The following TFCP2L1 variants were observed in gnomAD, a reference collection of about 807,000 sequenced individuals.
TFCP2L1 encodes the protein transcription factor CP2 like 1.
A neutral mutation model predicts 72.2 loss-of-function variants in TFCP2L1; 12 were observed. The observed-to-expected ratio is 0.17, with a 90% CI of 0.11 to 0.27. TFCP2L1 has a LOEUF of 0.27. Ranked by LOEUF, TFCP2L1 falls within the 10% of genes least tolerant of loss-of-function variation. The pLI, the probability that TFCP2L1 is intolerant of heterozygous loss-of-function variation, is 1.00. For synonymous variants in TFCP2L1, 260 were observed against 251.0 expected, an observed-to-expected ratio of 1.04 and a Z score of -0.34; for missense variants, 488 against 624.6, an observed-to-expected ratio of 0.78 and a Z score of 2.33.
chr2:121,249,765 G>C, intron 2 of TFCP2L1, 118 bp from the exon 3 acceptor site: 4 of 1,000,332 alleles, frequency 4.0e-6, no homozygotes, highest in Non-Finnish European at 6.1e-6. Flanking sequence ...GCCCTGGGGA[G>C]CAAAGCAGAG....
chr2:121,250,817 G>A (rs1296560184), intron 2 of TFCP2L1, among the ~76,000 whole-genome samples: 2 of 151,860 alleles, frequency 1.3e-5, no homozygotes, highest in East Asian at 3.9e-4. Context: ...ATGTTAGCCA[G>A]GCTGGTCTCA....
chr2:121,243,369 G>A (rs1376488655), intron 6 of TFCP2L1, among the ~76,000 whole-genome samples: 1 of 152,130 alleles, frequency 6.6e-6, no homozygotes, highest in Non-Finnish European at 1.5e-5. Context: ...TACAGCTTTC[G>A]GCTCCCAGAT....
intron 2 of TFCP2L1, among the ~76,000 whole-genome samples, chr2:121,253,324 C>T (rs900545280): frequency 2.0e-5 from 3 of 152,242 alleles, no homozygotes; most frequent in African/African-American, 7.2e-5. Flanking sequence ...GCCCACTTGC[C>T]TGTTCAGGAG....
Position 121,254,271 on chromosome 2 carries a change from G to C in TFCP2L1, c.215-4624C>G, listed in dbSNP as rs372006735. Among the ~76,000 whole-genome samples the C allele has an allele frequency of 4.6e-5, 7 of 152,222 alleles. No individual in the cohort carries two copies. In the East Asian group the frequency reaches 1.4e-3, roughly 29 times the overall value. On this transcript the variant is annotated intron_variant, in intron 2 of 14. Transcript: ENST00000263707. ...TTAAGACACATTCTTGCCCTCAAAG[G>C]GTTGACAATCCTCTGGAGTACATCA...
chr2:121,280,567 G>T (rs557883484), intron 2 of TFCP2L1, among the ~76,000 whole-genome samples: 3 of 152,174 alleles, frequency 2.0e-5, no homozygotes, highest in East Asian at 3.9e-4. Context: ...AGACCAGCCT[G>T]GGCAACATAG....
chr2:121,278,302 C>G (rs1411318212), intron 2 of TFCP2L1, among the ~76,000 whole-genome samples: 1 of 149,898 alleles, frequency 6.7e-6, no homozygotes. Flanking sequence ...TCCCAAAGTG[C>G]TGGGATTACA....
chr2:121,276,805 T>C lies in TFCP2L1; in HGVS notation c.214+4315A>G, dbSNP rs542998321. Among the ~76,000 whole-genome samples the C allele has an allele frequency of 2.6e-5, 4 of 152,178 alleles. No individual in the cohort carries two copies. The South Asian group carries it at 8.3e-4, about 32-fold the overall frequency. On this transcript the variant is annotated intron_variant, in intron 2 of 14. Coordinates refer to ENST00000263707, the MANE Select transcript of TFCP2L1 (RefSeq NM_014553.3). ...CAGTAAGTGTTAAAATTTAGACACCTCTAAATGAAATTCAGAAAACTACTC... is the reference window on the plus strand; with the variant it reads ...CAGTAAGTGTTAAAATTTAGACACCCCTAAATGAAATTCAGAAAACTACTC...
At chr2:121,281,405 C>T in intron 1 of TFCP2L1, 134 bp from the exon 2 acceptor site, 1 of 918,922 alleles carries the variant, frequency 1.1e-6, no homozygotes, top group Non-Finnish European at 1.6e-6. Flanking sequence ...AGGGTGCTGG[C>T]TGCACTCCTG....
intron 6 of TFCP2L1, 62 bp downstream of exon 6, chr2:121,246,756 G>A: frequency 1.3e-6 from 2 of 1,599,676 alleles, no homozygotes; most frequent in Non-Finnish European, 1.7e-6. Flanking sequence ...GTCTCTGTGG[G>A]CGAATGTGAC....
At chr2:121,263,962 GA>G (rs1385576196) in intron 2 of TFCP2L1, among the ~76,000 whole-genome samples, 1 of 151,982 alleles carries the variant, frequency 6.6e-6, no homozygotes. Flanking sequence ...GAAGAAAAAA[GA>G]AAAAAAGCCT....
At chr2:121,233,567 C>A (rs113967976) in intron 12 of TFCP2L1, among the ~76,000 whole-genome samples, 1 of 152,178 alleles carries the variant, frequency 6.6e-6, no homozygotes. Context: ...GCTGGAATTA[C>A]AGGTATGAAC....
Position 121,249,563 on chromosome 2 carries a change from A to T in TFCP2L1, c.291+8T>A. On this transcript the variant is annotated splice_region_variant and intron_variant, in intron 3 of 14. Coordinates refer to ENST00000263707, the MANE Select transcript of TFCP2L1 (RefSeq NM_014553.3). ...CCCGAGGCAATGAGAACAGCCTGTG[A>T]GGCTTACCTTGACATATTTTGTGTT... is the stretch of plus-strand genomic sequence containing the variant. 6.2e-7 allele frequency: 1 copy of T among 1,613,998 alleles called. No individual in the cohort carries two copies. Among genetic ancestry groups the T allele is most frequent in the Non-Finnish European group, 8.5e-7 (1 of 1,179,954 alleles).
intron 2 of TFCP2L1, among the ~76,000 whole-genome samples, chr2:121,265,092 T>C (rs1686902880): frequency 6.6e-6 from 1 of 152,236 alleles, no homozygotes. Flanking sequence ...CATCAACTTT[T>C]AATTTAAATA....
chr2:121,264,498 G>A (rs949707768), intron 2 of TFCP2L1, among the ~76,000 whole-genome samples: 4 of 152,186 alleles, frequency 2.6e-5, no homozygotes, highest in South Asian at 2.1e-4. Flanking sequence ...AGCCAGACTC[G>A]CAGTCCCCTC....
Position 121,278,517 on chromosome 2 carries a change from C to T in TFCP2L1, c.214+2603G>A, listed in dbSNP as rs183161392. Among the ~76,000 whole-genome samples, 549 of 150,046 alleles carry T rather than the reference C, an allele frequency of 3.7e-3. 3 individuals are homozygous for T. The highest frequency in any genetic ancestry group is 9.7e-3 in the African/African-American group (398 of 40,944). On this transcript the variant is annotated intron_variant, in intron 2 of 14. Transcript: ENST00000263707. ...CCTGGCCAACATGGTGAAACCCCGT[C>T]TCTACTAAAAATACAAAAATTAGGT...
At chr2:121,242,158 G>A (rs1278245856) in intron 7 of TFCP2L1, among the ~76,000 whole-genome samples, 1 of 151,070 alleles carries the variant, frequency 6.6e-6, no homozygotes, top group Non-Finnish European at 1.5e-5. Context: ...AGCAGAGCTG[G>A]AAGTTATTTC....
chr2:121,272,113 C>T (rs1048364019), intron 2 of TFCP2L1, among the ~76,000 whole-genome samples: 7 of 152,118 alleles, frequency 4.6e-5, no homozygotes, highest in African/African-American at 1.7e-4. Flanking sequence ...AGAAAGGGTG[C>T]TTCCCCTTCC....
chr2:121,227,720 T>TACACACACACACACACACACACAC (rs144192362), intron 13 of TFCP2L1, among the ~76,000 whole-genome samples: 3 of 147,314 alleles, frequency 2.0e-5, no homozygotes, highest in South Asian at 2.2e-4. Context: ...AAACATACAA[T>TACACACACACACACACACACACAC]ACACACACAC....
chr2:121,270,675 T>C (rs1011013570), intron 2 of TFCP2L1, among the ~76,000 whole-genome samples: 2 of 151,990 alleles, frequency 1.3e-5, no homozygotes, highest in African/African-American at 2.4e-5. Flanking sequence ...AATGTACTCA[T>C]GTGGAAAGAC....
Sources: allele counts gnomAD v4.1 joint callset (sites outside exome capture counted in the v4.1 genomes callset), GRCh38; gene constraint gnomAD v4.1.1; transcripts MANE v1.5; gene names NCBI Gene and HGNC (gene_info 2026-07-23, HGNC 2026-07-21).